Variants in CDK13 observed in about 807,000 individuals in gnomAD.
The protein encoded by CDK13 is cyclin dependent kinase 13.
CDK13 carries 40 observed loss-of-function variants against 137.6 expected under a neutral mutation model. The observed-to-expected ratio is 0.29, with a 90% CI of 0.23 to 0.38. The LOEUF (loss-of-function observed/expected upper bound fraction) is 0.38, where lower values mean the gene tolerates loss of function less well. Among genes scored for constraint, CDK13 ranks in the 10% least tolerant of loss-of-function variants. CDK13 has a pLI of 1.00. For missense variants in CDK13, 1,704 were observed against 1,951.8 expected, an observed-to-expected ratio of 0.87 and a Z score of 2.39; for synonymous variants, 869 against 760.1, an observed-to-expected ratio of 1.14 and a Z score of -2.36.
chr7:39,957,557 T>C (rs548859555), intron 1 of CDK13, among the ~76,000 whole-genome samples: 19 of 152,232 alleles, frequency 1.2e-4, no homozygotes, highest in Non-Finnish European at 2.2e-4. Flanking sequence ...ACATACACTC[T>C]CATACTCTAG....
chr7:39,993,812 AC>A (rs1784510300), intron 2 of CDK13, among the ~76,000 whole-genome samples: 1 of 152,106 alleles, frequency 6.6e-6, no homozygotes, highest in African/African-American at 2.4e-5. Flanking sequence ...TAGGATAGTT[AC>A]ATGTCAAAGT....
At chr7:40,022,478 A>G (rs1202914975) in intron 5 of CDK13, among the ~76,000 whole-genome samples, 3 of 152,110 alleles carry the variant, frequency 2.0e-5, no homozygotes, top group Admixed American at 2.0e-4. Context: ...AGAAATGTTG[A>G]AATAAGATCC....
At chr7:39,973,258 T>A (rs1162562065) in intron 1 of CDK13, among the ~76,000 whole-genome samples, 1 of 152,056 alleles carries the variant, frequency 6.6e-6, no homozygotes, top group Non-Finnish European at 1.5e-5. Context: ...TATCTTAGCC[T>A]CCTGAGCAGC....
At chr7:40,009,217 A>T (rs1453685459) in intron 5 of CDK13, among the ~76,000 whole-genome samples, 4 of 152,116 alleles carry the variant, frequency 2.6e-5, no homozygotes, top group African/African-American at 9.7e-5. Context: ...TGCTTCTTTT[A>T]TTGTCTTATT....
chr7:39,998,124 A>G (rs1277711237), intron 3 of CDK13: 1 of 155,826 alleles, frequency 6.4e-6, no homozygotes, highest in East Asian at 1.9e-4. Context: ...TGTATCCTAA[A>G]TTAGCTTCAA....
rs561093556 is a variant in CDK13, at chr7:40,030,721, T to C, written c.2354-15115T>C. Among the ~76,000 whole-genome samples, 27 of 152,222 alleles carry C rather than the reference T, an allele frequency of 1.8e-4. 2 individuals are homozygous for C. The South Asian group carries it at 5.0e-3, about 28-fold the overall frequency. On this transcript the variant is annotated intron_variant, in intron 5 of 13. Transcript: ENST00000181839. ...GTCACTGATTTTTTTTTTTAAACTT[T>C]ATCCATAGTTTTGCCTTTTCAGAAT...
At chr7:40,047,767 T>C in intron 6 of CDK13, 54 bp from the exon 7 acceptor site, 1 of 1,205,702 alleles carries the variant, frequency 8.3e-7, no homozygotes. Flanking sequence ...AAATGTGTAT[T>C]GTCAATTAAG....
At position 39,951,052 on chromosome 7, in the gene CDK13, C is replaced by A. The variant is rs1787157125; in HGVS notation, c.411C>A (p.Gly137=). The change falls in exon 1 of 14, where the codon GGC becomes GGA. Residue 137 remains glycine (G), a synonymous_variant. Transcript: ENST00000181839. ...QQDGGGGASS[G]GGVTPLVEYE... Reference sequence around the variant, plus strand: ...ACGGCGGTGGCGGTGCTAGTAGCGGCGGGGGTGTGACCCCGCTGGTGGAAT... The same window carrying A: ...ACGGCGGTGGCGGTGCTAGTAGCGGAGGGGGTGTGACCCCGCTGGTGGAAT... 7.8e-7 allele frequency: 1 copy of A among 1,282,862 alleles called. No homozygotes were observed. The highest frequency in any genetic ancestry group is 9.8e-7 in the Non-Finnish European group (1 of 1,016,946). The allele number at this position is 1,282,862 out of a possible 1,614,324, so 79.5% of individuals were successfully genotyped here.
intron 1 of CDK13, among the ~76,000 whole-genome samples, chr7:39,976,323 T>TCTCACACACACACACACA: frequency 1.5e-3 from 59 of 39,576 alleles, no homozygotes; most frequent in Middle Eastern, 0.017. Context: ...TCTCTCTCTC[T>TCTCACACACACACACACA]CACACACACA....
intron 5 of CDK13, among the ~76,000 whole-genome samples, chr7:40,038,602 T>G (rs1785536460): frequency 6.6e-6 from 1 of 152,206 alleles, no homozygotes; most frequent in Non-Finnish European, 1.5e-5. Flanking sequence ...TGTATGAAAG[T>G]GTTTCTTACA....
chr7:40,061,407 A>G (rs758854433), intron 7 of CDK13: 1 of 152,166 alleles, frequency 6.6e-6, no homozygotes, highest in Non-Finnish European at 1.5e-5. Context: ...TTATAATGCT[A>G]GTGCTTAAGT....
At chr7:40,087,470 T>C (rs1290268657) in intron 11 of CDK13, among the ~76,000 whole-genome samples, 1 of 152,134 alleles carries the variant, frequency 6.6e-6, no homozygotes, top group African/African-American at 2.4e-5. Context: ...CTGCCTTCTT[T>C]TTCATGTCTT....
At position 40,069,158 on chromosome 7, in the gene CDK13, A is replaced by G. The variant is rs1314121846; in HGVS notation, c.2780+6058A>G. ...TGCGGTACAAGGATCACCCGAACCC[A>G]AGGGAGGTCGAGGCTACAGTGAACT... On this transcript the variant is annotated intron_variant, in intron 9 of 13. Coordinates refer to ENST00000181839, the MANE Select transcript of CDK13 (RefSeq NM_003718.5). Among the ~76,000 whole-genome samples the G allele has an allele frequency of 3.3e-5, 5 of 152,300 alleles. No individual in the cohort carries two copies. In the East Asian group the frequency reaches 9.6e-4, roughly 29 times the overall value.
chr7:39,960,936 C>T (rs902051531), intron 1 of CDK13, among the ~76,000 whole-genome samples: 1 of 152,120 alleles, frequency 6.6e-6, no homozygotes, highest in Non-Finnish European at 1.5e-5. Context: ...TGGTGTTTAC[C>T]TGTGGAGGGC....
At position 40,088,231 on chromosome 7, in the gene CDK13, G is replaced by T; in HGVS notation, c.3135G>T (p.Lys1045Asn). 1 of 1,614,014 alleles carries T rather than the reference G, an allele frequency of 6.2e-7. No homozygotes were observed. The highest frequency in any genetic ancestry group is 8.5e-7 in the Non-Finnish European group (1 of 1,179,980). The change falls in exon 12 of 14, where the codon AAG becomes AAT. Residue 1045 changes from lysine to asparagine, a missense_variant. Coordinates refer to ENST00000181839, the MANE Select transcript of CDK13 (RefSeq NM_003718.5). ...TTTCCACAATTAAAGCCCCCAGGAAGGACTTGTCTCTGGGCTTGGATGACA... is the reference window on the plus strand; with the variant it reads ...TTTCCACAATTAAAGCCCCCAGGAATGACTTGTCTCTGGGCTTGGATGACA... ...DDVSTIKAPR[K>N]DLSLGLDDSR...
Position 39,988,272 on chromosome 7 carries a change from G to C in CDK13, c.1871+14G>C. The C allele has an allele frequency of 1.9e-6, 3 of 1,576,700 alleles. No homozygotes were observed. The highest frequency in any genetic ancestry group is 2.6e-6 in the Non-Finnish European group (3 of 1,164,900). ...AGAAGCTGATAGGTAAGTGCAAAAA[G>C]TATTTGTCAATAACTGTTCAAAGAA... On this transcript the variant is annotated intron_variant, in intron 2 of 13. Coordinates refer to ENST00000181839, the MANE Select transcript of CDK13 (RefSeq NM_003718.5).
chr7:39,952,019 C>A, intron 1 of CDK13, 167 bp downstream of exon 1: 2 of 601,968 alleles, frequency 3.3e-6, no homozygotes, highest in Non-Finnish European at 4.9e-6. Flanking sequence ...GCGCGTGACA[C>A]TTTTTTAGGG....
At chr7:39,992,048 T>G (rs1784464799) in intron 2 of CDK13, among the ~76,000 whole-genome samples, 1 of 150,442 alleles carries the variant, frequency 6.6e-6, no homozygotes, top group Non-Finnish European at 1.5e-5. Context: ...TGAGACCCTG[T>G]CTCAAAAAAA....
chr7:40,094,006 TAACA>T, intron 13 of CDK13, 120 bp from the exon 14 acceptor site: 1 of 1,193,506 alleles, frequency 8.4e-7, no homozygotes, highest in Non-Finnish European at 1.2e-6. Flanking sequence ...TTTTTTCATT[TAACA>T]TTTTGCCAGA....
Sources: gnomAD v4.1 joint callset for allele counts (sites outside exome capture counted in the v4.1 genomes callset) on GRCh38, gnomAD v4.1.1 for gene constraint, MANE v1.5 for transcripts, NCBI Gene and HGNC (gene_info 2026-07-23, HGNC 2026-07-21) for gene names.